The following LPXN variants were observed in gnomAD, a reference collection of about 807,000 sequenced individuals.
LPXN encodes the protein leupaxin.
Under a neutral mutation model 45.6 loss-of-function variants are expected in LPXN, and 28 were observed. The observed-to-expected ratio is 0.61, with a 90% CI of 0.45 to 0.84. The LOEUF is 0.84. Ranked by LOEUF, LPXN falls within the 40% of genes least tolerant of loss-of-function variation. The probability of loss-of-function intolerance (pLI) is 0.00; values close to 1 mark genes in which losing one functional copy is unlikely to be tolerated. For synonymous variants in LPXN, 166 were observed against 169.9 expected, an observed-to-expected ratio of 0.98 and a Z score of 0.18; for missense variants, 459 against 475.0, an observed-to-expected ratio of 0.97 and a Z score of 0.31.
intron 7 of LPXN, among the ~76,000 whole-genome samples, chr11:58,546,978 A>G (rs1853893837): frequency 6.6e-6 from 1 of 152,136 alleles, no homozygotes; most frequent in South Asian, 2.1e-4. Context: ...ACCAAGAAAG[A>G]TGAGGTATAG....
intron 1 of LPXN, among the ~76,000 whole-genome samples, chr11:58,571,242 A>G (rs1235021095): frequency 2.0e-5 from 3 of 152,204 alleles, no homozygotes; most frequent in Non-Finnish European, 4.4e-5. Context: ...TGGGAGGCTG[A>G]GGTGGGAGGA....
intron 5 of LPXN, 139 bp downstream of exon 5, chr11:58,550,926 C>T (rs967564743): frequency 1.4e-6 from 1 of 689,760 alleles, no homozygotes; most frequent in Non-Finnish European, 2.2e-6. Context: ...GCACTTAGCT[C>T]AGTGGCCAGA....
chr11:58,557,472 T>C (rs1249820389), intron 3 of LPXN, among the ~76,000 whole-genome samples: 1 of 152,188 alleles, frequency 6.6e-6, no homozygotes, highest in Non-Finnish European at 1.5e-5. Flanking sequence ...TATTGCATGA[T>C]CTCACTTATA....
chr11:58,548,990 G>C (rs537114206), intron 7 of LPXN, among the ~76,000 whole-genome samples: 3 of 152,162 alleles, frequency 2.0e-5, no homozygotes, highest in Non-Finnish European at 4.4e-5. Context: ...TTAGGAGTGA[G>C]TGGGGTAATA....
In LPXN at chr11:58,549,777, G is replaced by A. The variant is rs750657941; in HGVS notation, c.742+9C>T. 6.2e-6 allele frequency: 10 copies of A among 1,613,624 alleles called. No homozygotes were observed. Among genetic ancestry groups the A allele is most frequent in the Middle Eastern group, 1.7e-4 (1 of 6,034 alleles). ...GGTGTGGGATACAGCCTCTCAAGTC[G>A]GGTCATACCTTCTGCACCAAACACC... On this transcript the variant is annotated intron_variant, in intron 7 of 8. Coordinates refer to ENST00000395074, the MANE Select transcript of LPXN (RefSeq NM_004811.3).
At chr11:58,546,376 T>C (rs916959553) in intron 7 of LPXN, among the ~76,000 whole-genome samples, 1 of 135,964 alleles carries the variant, frequency 7.4e-6, no homozygotes, top group Non-Finnish European at 1.7e-5. Context: ...TGATTATTTC[T>C]GTAAATATTG....
chr11:58,553,873 G>C (rs1388067618), intron 4 of LPXN: 1 of 152,142 alleles, frequency 6.6e-6, no homozygotes. Flanking sequence ...AGGTGTTCTA[G>C]AGGCTAGAAC....
chr11:58,557,063 G>A (rs968505179), intron 3 of LPXN, among the ~76,000 whole-genome samples: 1 of 152,100 alleles, frequency 6.6e-6, no homozygotes, highest in African/African-American at 2.4e-5. Flanking sequence ...GCCAGGGTAT[G>A]GAGAAAAAAG....
At chr11:58,559,999 C>A (rs566533695) in intron 3 of LPXN, among the ~76,000 whole-genome samples, 4 of 152,272 alleles carry the variant, frequency 2.6e-5, no homozygotes, top group African/African-American at 7.2e-5. Flanking sequence ...ACCTGTGGAG[C>A]TGGTAATGAG....
chr11:58,554,777 T>C (rs1407448867), intron 4 of LPXN, 64 bp downstream of exon 4: 2 of 1,234,788 alleles, frequency 1.6e-6, no homozygotes, highest in African/African-American at 1.5e-5. Context: ...GGTGACCCCA[T>C]GGGCCCTGTT....
chr11:58,537,671 C>T lies in LPXN; in HGVS notation c.743-9480G>A, dbSNP rs190705720. ...ACTTAAAGTATAATAATAATAAAAA[C>T]GAAATAGTTCATTCAAGTAACTTTA... On this transcript the variant is annotated intron_variant, in intron 7 of 8. Transcript: ENST00000395074. Among the ~76,000 whole-genome samples, 48 of 151,958 alleles carry T rather than the reference C, an allele frequency of 3.2e-4. 1 individual carries two copies. The East Asian group carries it at 7.6e-3, about 24-fold the overall frequency.
At chr11:58,545,178 T>C (rs540598017) in intron 7 of LPXN, among the ~76,000 whole-genome samples, 1 of 152,316 alleles carries the variant, frequency 6.6e-6, no homozygotes, top group South Asian at 2.1e-4. Context: ...AAGTGTTGTT[T>C]CCTGTTTATA....
chr11:58,537,496 C>A (rs1162552870), intron 7 of LPXN, among the ~76,000 whole-genome samples: 1 of 151,966 alleles, frequency 6.6e-6, no homozygotes, highest in Non-Finnish European at 1.5e-5. Context: ...GAACATCACA[C>A]ACTGGGGCCT....
At chr11:58,551,776 T>C (rs1359315941) in intron 4 of LPXN, among the ~76,000 whole-genome samples, 1 of 152,088 alleles carries the variant, frequency 6.6e-6, no homozygotes, top group Non-Finnish European at 1.5e-5. Context: ...AGCAAGATGG[T>C]AAGAAGAATT....
intron 2 of LPXN, among the ~76,000 whole-genome samples, chr11:58,569,113 G>A (rs146792487): frequency 8.5e-5 from 13 of 152,240 alleles, no homozygotes; most frequent in Non-Finnish European, 1.6e-4. Context: ...CAGTTAGGGC[G>A]TAAACTACCC....
intron 2 of LPXN, 120 bp from the exon 3 acceptor site, chr11:58,564,321 G>A (rs1048202751): frequency 1.5e-6 from 1 of 686,312 alleles, no homozygotes; most frequent in Non-Finnish European, 2.6e-6. Context: ...CTGACAAGTG[G>A]CATATCTATG....
intron 7 of LPXN, among the ~76,000 whole-genome samples, chr11:58,529,691 G>C (rs1853329661): frequency 6.6e-6 from 1 of 151,808 alleles, no homozygotes; most frequent in South Asian, 2.1e-4. Flanking sequence ...AAAATTAACT[G>C]TATATCAAAC....
At chr11:58,530,607 G>T (rs1474638781) in intron 7 of LPXN, among the ~76,000 whole-genome samples, 2 of 152,222 alleles carry the variant, frequency 1.3e-5, no homozygotes, top group African/African-American at 4.8e-5. Context: ...CCAGGGGAAG[G>T]GGTGGCTGTG....
intron 2 of LPXN, 142 bp downstream of exon 2, chr11:58,570,413 CT>C (rs1373352444): frequency 7.6e-6 from 4 of 523,830 alleles, no homozygotes; most frequent in African/African-American, 1.9e-5. Flanking sequence ...CCAAAAACAT[CT>C]TTAGATTAAC....
Sources: gnomAD v4.1 joint callset for allele counts (sites outside exome capture counted in the v4.1 genomes callset) on GRCh38, gnomAD v4.1.1 for gene constraint, MANE v1.5 for transcripts, NCBI Gene and HGNC (gene_info 2026-07-23, HGNC 2026-07-21) for gene names.